Variants in DLG5 observed in about 807,000 individuals in gnomAD.
DLG5 encodes discs large MAGUK scaffold protein 5, also known as disks large homolog 5.
Under a neutral mutation model 189.8 loss-of-function variants are expected in DLG5, and 48 were observed. That is an observed-to-expected ratio of 0.25 (90% CI 0.20 to 0.32). DLG5 has a LOEUF of 0.32. DLG5 is among the 10% of genes least tolerant of loss of function. The pLI is 1.00. For synonymous variants in DLG5, 1,016 were observed against 1,054.1 expected, an observed-to-expected ratio of 0.96 and a Z score of 0.70; for missense variants, 2,160 against 2,544.7, an observed-to-expected ratio of 0.85 and a Z score of 3.25.
At chr10:77,937,658 C>T in the DLG5 span, among the ~76,000 whole-genome samples, 1 of 151,802 alleles carries the variant, frequency 6.6e-6, no homozygotes, top group Non-Finnish European at 1.5e-5. Flanking sequence ...CCACAAATGA[C>T]CAAAATTGGA....
intron 5 of DLG5, among the ~76,000 whole-genome samples, chr10:77,844,025 C>T (rs1843561310): frequency 6.6e-6 from 1 of 152,146 alleles, no homozygotes; most frequent in Non-Finnish European, 1.5e-5. Flanking sequence ...TCTAGGAACC[C>T]GAACAGTAAA....
At chr10:77,887,742 C>T (rs895109420) in intron 1 of DLG5, among the ~76,000 whole-genome samples, 1 of 152,176 alleles carries the variant, frequency 6.6e-6, no homozygotes, top group Admixed American at 6.5e-5. Flanking sequence ...GGCCAGAGAT[C>T]CCAGCCAGGC....
At position 77,824,492 on chromosome 10, in the gene DLG5, G is replaced by C; in HGVS notation, c.2290-16C>G. The C allele has an allele frequency of 2.5e-6, 4 of 1,606,926 alleles. No homozygotes were observed. The highest frequency in any genetic ancestry group is 1.1e-5 in the South Asian group (1 of 90,836). On this transcript the variant is annotated splice_polypyrimidine_tract_variant and intron_variant, in intron 13 of 31. Coordinates refer to ENST00000372391, the MANE Select transcript of DLG5 (RefSeq NM_004747.4). Reference sequence around the variant, plus strand: ...TGCCATTGATCTAGAGCAGGACAGAGAGCATGTCAGGCCACAGGCAGAGCG... The same window carrying C: ...TGCCATTGATCTAGAGCAGGACAGACAGCATGTCAGGCCACAGGCAGAGCG...
At chr10:77,896,605 C>T (rs1845766170) in intron 1 of DLG5, among the ~76,000 whole-genome samples, 1 of 151,930 alleles carries the variant, frequency 6.6e-6, no homozygotes, top group Non-Finnish European at 1.5e-5. Flanking sequence ...CTTTGGGAGG[C>T]CAAGGGGGGG....
Position 77,853,358 on chromosome 10 carries a change from T to C in DLG5, c.860A>G (p.Gln287Arg). ...KEIGDLRAQQ[Q>R]QVLKHNGSSE... The stretch of plus-strand genomic sequence containing the variant: ...GTCTCCAGGGGCTGGGCCTACCTGC[T>C]GCTGCTGGGCACGGAGGTCACCGAT... Residue 287 changes from glutamine to arginine, a missense_variant, in exon 5 of 32, where the codon CAG (glutamine) becomes CGG (arginine). Physicochemically the swap from Gln to Arg is conservative, Grantham distance 43. Transcript: ENST00000372391. 1.3e-6 allele frequency: 2 copies of C among 1,544,560 alleles called. No individual in the cohort carries two copies. Among genetic ancestry groups the C allele is most frequent in the Non-Finnish European group, 1.8e-6 (2 of 1,137,192 alleles).
chr10:77,807,851 G>T lies in DLG5; in HGVS notation c.4741C>A (p.Arg1581Ser). ...RDGVRLKVQY[R>S]PEEFTKAKGL... ...TTGGCCTTCGTGAACTCCTCAGGGCGGTACTGCACCTTCAGGCGGACGCCA... is the reference window on the plus strand; with the variant it reads ...TTGGCCTTCGTGAACTCCTCAGGGCTGTACTGCACCTTCAGGCGGACGCCA... Residue 1581 changes from arginine to serine, a missense_variant, in exon 25 of 32, where the codon CGC becomes AGC. Transcript: ENST00000372391. 6.2e-7 allele frequency: 1 copy of T among 1,614,188 alleles called. No individual in the cohort carries two copies. The highest frequency in any genetic ancestry group is 8.5e-7 in the Non-Finnish European group (1 of 1,180,036).
chr10:77,935,138 G>A, the DLG5 span, among the ~76,000 whole-genome samples: 1 of 151,996 alleles, frequency 6.6e-6, no homozygotes, highest in Non-Finnish European at 1.5e-5. Context: ...TTACAGGCAG[G>A]AGCCACCGTG....
At chr10:77,844,736 G>A (rs1843601213) in intron 5 of DLG5, among the ~76,000 whole-genome samples, 1 of 152,202 alleles carries the variant, frequency 6.6e-6, no homozygotes, top group African/African-American at 2.4e-5. Flanking sequence ...AAATAAAACA[G>A]AATAATGGGC....
At position 77,843,629 on chromosome 10, in the gene DLG5, C is replaced by T. The variant is rs1421615560; in HGVS notation, c.942G>A (p.Lys314=). The T allele has an allele frequency of 3.1e-6, 5 of 1,613,932 alleles. No homozygotes were observed. Among genetic ancestry groups the T allele is most frequent in the South Asian group, 1.1e-5 (1 of 91,060 alleles). ...DTAMDKLEVV[K]KDYDALRKRY... Reference sequence around the variant, plus strand: ...TCTTCCGAAGGGCGTCATAGTCCTTCTTGACCACCTCCAACTTGTCCATGG... The same window carrying T: ...TCTTCCGAAGGGCGTCATAGTCCTTTTTGACCACCTCCAACTTGTCCATGG... The change falls in exon 6 of 32, where the codon AAG becomes AAA. Residue 314 remains lysine (K), a synonymous_variant. Transcript: ENST00000372391.
chr10:77,823,480 C>A (rs527749820), intron 14 of DLG5, among the ~76,000 whole-genome samples: 1 of 150,710 alleles, frequency 6.6e-6, no homozygotes, highest in East Asian at 1.9e-4. Context: ...AATGATACTA[C>A]AGAACACTGG....
At chr10:77,816,046 A>C (rs1206836162) in intron 20 of DLG5, 1 of 453,264 alleles carries the variant, frequency 2.2e-6, no homozygotes, top group African/African-American at 2.0e-5. Flanking sequence ...CTTCCTGTGT[A>C]TATTTTATTT....
rs1036059687 is a variant in DLG5, at chr10:77,792,171, A to G, written c.*269T>C. The G allele has an allele frequency of 2.2e-5, 11 of 493,140 alleles. No homozygotes were observed. The highest frequency in any genetic ancestry group is 1.7e-4 in the African/African-American group (9 of 51,750). 30.5% of individuals were successfully genotyped at this position (493,140 alleles called of 1,614,324 possible). ...TTGCAGCATCTCTGATCAGCTGGCT[A>G]AAGAAAGGTGGGTGCTGAACCCGTC... On this transcript the variant is annotated 3_prime_UTR_variant, in exon 32 of 32. Transcript: ENST00000372391.
In DLG5 at chr10:77,882,804, T is replaced by C. The variant is rs1221602031; in HGVS notation, c.305-13607A>G. ...CTGGTGTGGTGGTGCACGTCTGTAA[T>C]GCCAGCTACTCGGGAGGGTGAGGCA... On this transcript the variant is annotated intron_variant, in intron 1 of 31. Transcript: ENST00000372391. 2.7e-5 allele frequency among the ~76,000 whole-genome samples: 4 copies of C among 149,782 alleles called. No individual in the cohort carries two copies. The East Asian group carries it at 5.9e-4, about 22-fold the overall frequency.
chr10:77,815,911 C>T (rs1842027834), intron 20 of DLG5: 1 of 362,140 alleles, frequency 2.8e-6, no homozygotes, highest in South Asian at 2.1e-5. Context: ...GCGGGGGTGA[C>T]GGATTCCATG....
At chr10:77,874,772 C>T (rs1845032393) in intron 1 of DLG5, among the ~76,000 whole-genome samples, 2 of 152,146 alleles carry the variant, frequency 1.3e-5, no homozygotes, top group African/African-American at 2.4e-5. Flanking sequence ...AACAGTACCT[C>T]GCATAGCCGG....
intron 1 of DLG5, among the ~76,000 whole-genome samples, chr10:77,919,482 T>C (rs1046493413): frequency 1.3e-5 from 2 of 151,092 alleles, no homozygotes; most frequent in African/African-American, 4.9e-5. Context: ...TCTTCTGTTT[T>C]GACTGTTGAA....
At chr10:77,939,267 T>C in the DLG5 span, among the ~76,000 whole-genome samples, 3 of 151,944 alleles carry the variant, frequency 2.0e-5, no homozygotes, top group Non-Finnish European at 4.4e-5. Flanking sequence ...AAGCCAGAAA[T>C]CAACAGTGGC....
chr10:77,811,913 C>G lies in DLG5; in HGVS notation c.4322+11G>C, dbSNP rs1217272201. The G allele has an allele frequency of 1.2e-6, 2 of 1,601,444 alleles. No individual in the cohort carries two copies. Among genetic ancestry groups the G allele is most frequent in the African/African-American group, 2.7e-5 (2 of 74,912 alleles). ...CCCCAGCCCAGACGGCCCTGGGAGGCCCGCACTCACCTGGACCGGGAGTGG... is the reference window on the plus strand; with the variant it reads ...CCCCAGCCCAGACGGCCCTGGGAGGGCCGCACTCACCTGGACCGGGAGTGG... On this transcript the variant is annotated intron_variant, in intron 22 of 31. Transcript: ENST00000372391.
At chr10:77,934,371 CA>C in the DLG5 span, among the ~76,000 whole-genome samples, 270 of 96,298 alleles carry the variant, frequency 2.8e-3, no homozygotes, top group African/African-American at 8.8e-3. Context: ...AACTCCATCT[CA>C]AAAAAAAAAA....
Sources: gnomAD v4.1 joint callset for allele counts (sites outside exome capture counted in the v4.1 genomes callset) on GRCh38, gnomAD v4.1.1 for gene constraint, MANE v1.5 for transcripts, NCBI Gene and HGNC (gene_info 2026-07-23, HGNC 2026-07-21) for gene names.